CAP2: variants seen among roughly 807,000 people sequenced by gnomAD.
The protein encoded by CAP2 is cyclase associated actin cytoskeleton regulatory protein 2.
Under a neutral mutation model 57.7 loss-of-function variants are expected in CAP2, and 24 were observed. That is an observed-to-expected ratio of 0.42 (90% CI 0.30 to 0.58). The LOEUF is 0.58. Ranked by LOEUF, CAP2 falls within the 20% of genes least tolerant of loss-of-function variation. CAP2 has a pLI of 0.22. For synonymous variants in CAP2, 194 were observed against 207.2 expected, an observed-to-expected ratio of 0.94 and a Z score of 0.55; for missense variants, 501 against 590.3, an observed-to-expected ratio of 0.85 and a Z score of 1.57.
intron 4 of CAP2, among the ~76,000 whole-genome samples, chr6:17,490,625 C>T (rs1457977266): frequency 6.6e-6 from 1 of 152,210 alleles, no homozygotes; most frequent in East Asian, 1.9e-4. Context: ...CCTTTGCGGG[C>T]AGAGGTCCTG....
intron 1 of CAP2, among the ~76,000 whole-genome samples, chr6:17,411,583 T>C (rs1400060330): frequency 6.6e-6 from 1 of 152,264 alleles, no homozygotes; most frequent in Non-Finnish European, 1.5e-5. Context: ...GCCATTTGCC[T>C]GTCTTCTCTG....
At chr6:17,398,681 C>T (rs13216869) in intron 1 of CAP2, among the ~76,000 whole-genome samples, 9,443 of 151,884 alleles carry the variant, frequency 0.062, 368 homozygotes, top group Non-Finnish European at 0.093. Flanking sequence ...CCCACCACCA[C>T]GCCCGGCTAA....
intron 4 of CAP2, among the ~76,000 whole-genome samples, chr6:17,489,876 C>T (rs192685396): frequency 4.1e-4 from 63 of 151,900 alleles, no homozygotes; most frequent in African/African-American, 1.4e-3. Flanking sequence ...ATCTTGAGTT[C>T]TCCACTGGGG....
At chr6:17,467,095 G>T (rs1760884969) in intron 4 of CAP2, among the ~76,000 whole-genome samples, 1 of 152,160 alleles carries the variant, frequency 6.6e-6, no homozygotes, top group South Asian at 2.1e-4. Flanking sequence ...TCCTGCTAAT[G>T]AATGCAAGTG....
intron 4 of CAP2, among the ~76,000 whole-genome samples, chr6:17,484,943 A>G (rs1198204775): frequency 6.6e-6 from 1 of 152,206 alleles, no homozygotes. Context: ...TTTGAAAATC[A>G]TTCTTTATAG....
In CAP2 at chr6:17,472,020, C is replaced by T. The variant is rs565957072; in HGVS notation, c.300+8947C>T. Among the ~76,000 whole-genome samples the T allele has an allele frequency of 1.2e-4, 18 of 152,176 alleles. No individual in the cohort carries two copies. The East Asian group carries it at 2.7e-3, about 23-fold the overall frequency. Reference sequence around the variant, plus strand: ...TCGATAGTCTCACTTCATAAATATGCGTAAGTTTCTGCTCTGTTAATAGTG... The same window carrying T: ...TCGATAGTCTCACTTCATAAATATGTGTAAGTTTCTGCTCTGTTAATAGTG... On this transcript the variant is annotated intron_variant, in intron 4 of 12. Coordinates refer to ENST00000229922, the MANE Select transcript of CAP2 (RefSeq NM_006366.3).
At chr6:17,498,571 C>G (rs1339300027) in intron 4 of CAP2, among the ~76,000 whole-genome samples, 1 of 152,132 alleles carries the variant, frequency 6.6e-6, no homozygotes, top group African/African-American at 2.4e-5. Context: ...GGCTCCAGAT[C>G]TCTTCCTTTC....
chr6:17,436,915 G>A (rs979179865), intron 3 of CAP2, among the ~76,000 whole-genome samples: 22 of 151,988 alleles, frequency 1.4e-4, no homozygotes, highest in African/African-American at 2.2e-4. Flanking sequence ...GATCAGTGGC[G>A]GCATTAGATT....
At chr6:17,538,702 C>T (rs996691449) in intron 7 of CAP2, among the ~76,000 whole-genome samples, 1 of 152,148 alleles carries the variant, frequency 6.6e-6, no homozygotes, top group Non-Finnish European at 1.5e-5. Context: ...GACAAGCATC[C>T]CGGTCACATA....
At chr6:17,490,973 G>A (rs935416453) in intron 4 of CAP2, among the ~76,000 whole-genome samples, 4 of 152,120 alleles carry the variant, frequency 2.6e-5, no homozygotes, top group Non-Finnish European at 5.9e-5. Flanking sequence ...TTCAGGCTGT[G>A]CCCATAGCTC....
chr6:17,480,835 C>T (rs2113621831), intron 4 of CAP2, among the ~76,000 whole-genome samples: 1 of 147,958 alleles, frequency 6.8e-6, no homozygotes, highest in Middle Eastern at 3.6e-3. Flanking sequence ...AGTGCAATGG[C>T]ACAATCTCGG....
chr6:17,503,604 C>CAA (rs763364878), intron 4 of CAP2, among the ~76,000 whole-genome samples: 201 of 73,238 alleles, frequency 2.7e-3, no homozygotes, highest in African/African-American at 7.9e-3. Context: ...AACTCTATCT[C>CAA]AAAAAAAAAA....
rs1017791595 is a variant in CAP2 at position 17,513,640 on chromosome 6, G to A, written c.531-209G>A. On this transcript the variant is annotated intron_variant, in intron 6 of 12. Transcript: ENST00000229922. This position sits in a 1 kb window ranked among gnomAD's most constrained non-coding sequence, Gnocchi z 4.3. ...TCCATACCCGGAGCTCAGGGCATCCGGCCACCTGCCGCCTCCCCTCAGGAG... is the reference window on the plus strand; with the variant it reads ...TCCATACCCGGAGCTCAGGGCATCCAGCCACCTGCCGCCTCCCCTCAGGAG... Among the ~76,000 whole-genome samples, 4 of 152,034 alleles carry A rather than the reference G, an allele frequency of 2.6e-5. No homozygotes were observed. The highest frequency in any genetic ancestry group is 4.8e-5 in the African/African-American group (2 of 41,400).
At chr6:17,422,147 AAAG>A (rs1457903298) in intron 2 of CAP2, among the ~76,000 whole-genome samples, 4 of 152,252 alleles carry the variant, frequency 2.6e-5, no homozygotes, top group Middle Eastern at 3.2e-3. Flanking sequence ...AATTATCAAA[AAAG>A]AAACTAATGT....
intron 1 of CAP2, among the ~76,000 whole-genome samples, chr6:17,396,434 GGTATATC>G (rs1425854998): frequency 4.6e-5 from 7 of 152,120 alleles, no homozygotes; most frequent in African/African-American, 1.7e-4. Context: ...AATAAAAGGT[GGTATATC>G]CATACAGCGA....
intron 3 of CAP2, among the ~76,000 whole-genome samples, chr6:17,455,091 G>A (rs971302013): frequency 6.6e-6 from 1 of 152,060 alleles, no homozygotes; most frequent in Admixed American, 6.6e-5. Flanking sequence ...TAACTGTCTC[G>A]CTAAAATAAT....
chr6:17,469,191 G>A (rs1406035078), intron 4 of CAP2, among the ~76,000 whole-genome samples: 3 of 152,338 alleles, frequency 2.0e-5, no homozygotes, highest in East Asian at 1.9e-4. Context: ...ACTATCATTC[G>A]GGGAATTCCT....
chr6:17,422,107 G>C (rs555116040), intron 2 of CAP2, among the ~76,000 whole-genome samples: 1 of 152,038 alleles, frequency 6.6e-6, no homozygotes, highest in Non-Finnish European at 1.5e-5. Flanking sequence ...CTGCTGTCCC[G>C]CACTCAATGA....
intron 3 of CAP2, among the ~76,000 whole-genome samples, chr6:17,436,758 C>T (rs1759902360): frequency 6.6e-6 from 1 of 152,052 alleles, no homozygotes; most frequent in African/African-American, 2.4e-5. Context: ...GATGCTGATG[C>T]CATCTATGTC....
Sources: allele counts gnomAD v4.1 joint callset (sites outside exome capture counted in the v4.1 genomes callset), GRCh38; gene constraint gnomAD v4.1.1; non-coding constraint Gnocchi (gnomAD v3.1); transcripts MANE v1.5; gene names NCBI Gene and HGNC (gene_info 2026-07-23, HGNC 2026-07-21).